Variants in STOML1 observed in about 807,000 individuals in gnomAD.
The protein encoded by STOML1 is stomatin like 1, also known as stomatin-like protein 1.
STOML1 carries 27 observed loss-of-function variants against 35.7 expected under a neutral mutation model. The ratio of observed to expected loss-of-function variants is 0.76; its 90% CI spans 0.56 to 1.04. The LOEUF (loss-of-function observed/expected upper bound fraction) is 1.04, where lower values mean the gene tolerates loss of function less well. Among genes scored for constraint, STOML1 ranks in the 50% least tolerant of loss-of-function variants. STOML1 has a pLI of 0.00. For missense variants in STOML1, 451 were observed against 527.1 expected (o/e 0.86, Z 1.41); for synonymous variants, 219 against 227.9 (o/e 0.96, Z 0.35).
In STOML1 at chr15:73,988,267, T is replaced by C. The variant is rs2069155887; in HGVS notation, c.594+332A>G. The C allele has an allele frequency of 3.7e-6, 1 of 267,772 alleles. No individual in the cohort carries two copies. Among genetic ancestry groups the C allele is most frequent in the South Asian group, 5.4e-5 (1 of 18,408 alleles). The allele number at this position is 267,772 out of a possible 1,614,324, so 16.6% of individuals were successfully genotyped here. A position where few individuals can be genotyped will look rare whatever the true frequency, so the allele number is the denominator to read the frequency against. On this transcript the variant is annotated intron_variant, in intron 4 of 6. Coordinates refer to ENST00000541638, the MANE Select transcript of STOML1 (RefSeq NM_004809.5). This position sits in a 1 kb window ranked among gnomAD's most constrained non-coding sequence, Gnocchi z 4.8. ...CTCCATCACCCATCTGCCTGCCCCA[T>C]GAGTCAGGCCCGGAATGAGAGCTGT... is the stretch of plus-strand genomic sequence containing the variant.
At position 73,985,331 on chromosome 15, in the gene STOML1, C is replaced by G; in HGVS notation, c.777G>C (p.Pro259=). The G allele has an allele frequency of 2.6e-6, 4 of 1,533,970 alleles. No individual in the cohort carries two copies. The highest frequency in any genetic ancestry group is 2.6e-6 in the Non-Finnish European group (3 of 1,146,422). ...AGGGCTCCTCACCTGGCCCCGGGGA[C>G]GGGGCACCTCCTGCCATTGAGTTCA... ...GSMNSMAGGA[P]SPGPADTVEM... The change falls in exon 5 of 7, where the codon CCG becomes CCC. Residue 259 remains proline, a synonymous_variant. Transcript: ENST00000541638.
At chr15:73,992,324 CCCGCGCGGCCACCCGCGG>C, upstream of STOML1, 1 of 1,322,134 alleles carries the variant, frequency 7.6e-7, no homozygotes. Context: ...TCCGGCTTCA[CCCGCGCGGCCACCCGCGG>C]CGGCGCGGGC....
chr15:73,989,660 A>G (rs2141676514), intron 2 of STOML1, among the ~76,000 whole-genome samples: 1 of 152,294 alleles, frequency 6.6e-6, no homozygotes, highest in South Asian at 2.1e-4. Flanking sequence ...GGGCTTTGTC[A>G]ACTTTAGGTC....
rs1057362739 is a variant in STOML1, at chr15:73,985,592, C to T, written c.595-79G>A. On this transcript the variant is annotated intron_variant, in intron 4 of 6. Transcript: ENST00000541638. ...ACCTTCTTTGGGCAGACTGTGTGGC[C>T]GTGCATGGACATGGAGGCACCACAC... 220 of 1,483,192 alleles carry T rather than the reference C, an allele frequency of 1.5e-4. No individual in the cohort carries two copies. In the South Asian group the frequency reaches 2.5e-3, roughly 17 times the overall value. 91.9% of individuals were successfully genotyped at this position (1,483,192 alleles called of 1,614,324 possible). A position where few individuals can be genotyped will look rare whatever the true frequency, so the allele number is the denominator to read the frequency against.
intron 6 of STOML1, 61 bp downstream of exon 6, chr15:73,984,598 G>A: frequency 6.3e-7 from 1 of 1,583,816 alleles, no homozygotes; most frequent in South Asian, 1.1e-5. Flanking sequence ...GCACCACTGG[G>A]GTAGGTAACA....
Position 73,983,059 on chromosome 15 carries a change from G to T in STOML1, c.*878C>A, listed in dbSNP as rs997785810. ...CCCAGCCCCACCCTTGCTTCCAGGG[G>T]CTTTGAGACACTCAGGAGAAGGAGC... On this transcript the variant is annotated 3_prime_UTR_variant, in exon 7 of 7. Transcript: ENST00000541638. 1.1e-4 allele frequency: 17 copies of T among 152,128 alleles called. No individual in the cohort carries two copies. The highest frequency in any genetic ancestry group is 3.6e-4 in the African/African-American group (15 of 41,396). The allele number at this position is 152,128 out of a possible 1,614,324, so 9.4% of individuals were successfully genotyped here. A position where few individuals can be genotyped will look rare whatever the true frequency, so the allele number is the denominator to read the frequency against.
chr15:73,981,903 T>G lies in STOML1; in HGVS notation c.*2034A>C, dbSNP rs973521331. The G allele has an allele frequency of 2.0e-5, 3 of 152,666 alleles. No individual in the cohort carries two copies. Among genetic ancestry groups the G allele is most frequent in the Non-Finnish European group, 4.4e-5 (3 of 68,460 alleles). The allele number at this position is 152,666 out of a possible 1,614,324, so 9.5% of individuals were successfully genotyped here. ...TGGGGATTCATGGCAGGGGCAGGCC[T>G]TACTCTCCACCTACACAGACATCCA... On this transcript the variant is annotated 3_prime_UTR_variant, in exon 7 of 7. Transcript: ENST00000541638.
At chr15:73,990,595 C>T in intron 1 of STOML1, 138 bp from the exon 2 acceptor site, 3 of 918,752 alleles carry the variant, frequency 3.3e-6, no homozygotes, top group Non-Finnish European at 5.0e-6. Context: ...TGGCTCCTTG[C>T]CTAATATTCC....
chr15:73,993,761 T>A (rs2069355383), upstream of STOML1, among the ~76,000 whole-genome samples: 2 of 152,358 alleles, frequency 1.3e-5, no homozygotes, highest in Middle Eastern at 3.4e-3. Context: ...TGAGGTCACC[T>A]GGAACTGTGC....
chr15:73,990,675 G>T, intron 1 of STOML1: 1 of 1,001,236 alleles, frequency 1.0e-6, no homozygotes, highest in Non-Finnish European at 1.5e-6. Flanking sequence ...TTTGTCCCAA[G>T]TCCAACAACC....
In STOML1 at chr15:73,988,346, C is replaced by T. The variant is rs1352341130; in HGVS notation, c.594+253G>A. 4.0e-6 allele frequency: 2 copies of T among 505,084 alleles called. No individual in the cohort carries two copies. Among genetic ancestry groups the T allele is most frequent in the Non-Finnish European group, 7.2e-6 (2 of 279,364 alleles). The allele number at this position is 505,084 out of a possible 1,614,324, so 31.3% of individuals were successfully genotyped here. A position where few individuals can be genotyped will look rare whatever the true frequency, so the allele number is the denominator to read the frequency against. ...TGAGGGGTAAAAACTAAGGGGCAGA[C>T]CCCAAGAATGTCTGCCGGGGCCACT... On this transcript the variant is annotated intron_variant, in intron 4 of 6. Transcript: ENST00000541638. The surrounding 1 kb of genome is among the most constrained non-coding windows in gnomAD (Gnocchi z 4.8).
chr15:73,987,524 G>A (rs898543778), intron 4 of STOML1: 2 of 152,214 alleles, frequency 1.3e-5, no homozygotes, highest in African/African-American at 4.8e-5. Flanking sequence ...AATTAACACG[G>A]GGCATGGTTT....
Position 73,985,512 on chromosome 15 carries a change from A to C in STOML1, c.596T>G (p.Leu199Arg). 1.3e-6 allele frequency: 2 copies of C among 1,540,120 alleles called. No homozygotes were observed. The highest frequency in any genetic ancestry group is 1.7e-6 in the Non-Finnish European group (2 of 1,143,372). Residue 199 changes from leucine (L) to arginine (R), a missense_variant and splice_region_variant, in exon 5 of 7, where the codon CTG (leucine) becomes CGG (arginine). Transcript: ENST00000541638. Reference protein sequence around the residue: ...EKLKISDQLLLEINDVTRAWG... With the variant: ...EKLKISDQLLREINDVTRAWG... The stretch of plus-strand genomic sequence containing the variant: ...GGCCCTGGTCACATCGTTGATCTCC[A>C]GCTGGAGGACAGTGTGAGGAGAAAT...
In STOML1 at chr15:73,989,261, T is replaced by C; in HGVS notation, c.241-4A>G. On this transcript the variant is annotated splice_polypyrimidine_tract_variant and splice_region_variant and intron_variant, in intron 2 of 6. Coordinates refer to ENST00000541638, the MANE Select transcript of STOML1 (RefSeq NM_004809.5). The stretch of plus-strand genomic sequence containing the variant: ...TCCGCTCGTAGGTGGGCACAATCTG[T>C]CCACAATGGCAAGGGAAAGAGTTGA... 2 of 1,582,294 alleles carry C rather than the reference T, an allele frequency of 1.3e-6. No homozygotes were observed. The highest frequency in any genetic ancestry group is 2.3e-5 in the East Asian group (1 of 44,336).
intron 6 of STOML1, among the ~76,000 whole-genome samples, chr15:73,984,357 G>C (rs1217845656): frequency 6.6e-6 from 1 of 152,252 alleles, no homozygotes; most frequent in East Asian, 1.9e-4. Flanking sequence ...TAAAGCATAG[G>C]CTCATGGTGA....
chr15:73,985,666 C>T, intron 4 of STOML1, 153 bp from the exon 5 acceptor site: 1 of 925,208 alleles, frequency 1.1e-6, no homozygotes, highest in East Asian at 3.2e-5. Context: ...GGGCAATGAC[C>T]TTTCAGCTGT....
At position 73,988,680 on chromosome 15, in the gene STOML1, C is replaced by A. The variant is rs1409562918; in HGVS notation, c.513G>T (p.Gln171His). Residue 171 changes from glutamine (Q) to histidine (H), a missense_variant, in exon 4 of 7, where the codon CAG becomes CAT. Physicochemically the swap from Gln to His is conservative, Grantham distance 24. Transcript: ENST00000541638. The surrounding 1 kb of genome is among the most constrained non-coding windows in gnomAD (Gnocchi z 4.8). Reference sequence around the variant, plus strand: ...TGAGCAGGGCCTTGGTCATGGCGTTCTGGGCTGTCATGCGTGTGGCTGTGT... The same window carrying A: ...TGAGCAGGGCCTTGGTCATGGCGTTATGGGCTGTCATGCGTGTGGCTGTGT... ...DLNTATRMTA[Q>H]NAMTKALLKR... The A allele has an allele frequency of 3.1e-6, 5 of 1,614,210 alleles. No individual in the cohort carries two copies. Among genetic ancestry groups the A allele is most frequent in the Non-Finnish European group, 4.2e-6 (5 of 1,180,040 alleles).
Position 73,988,404 on chromosome 15 carries a change from G to C in STOML1, c.594+195C>G. On this transcript the variant is annotated intron_variant, in intron 4 of 6. Transcript: ENST00000541638. The surrounding 1 kb of genome is among the most constrained non-coding windows in gnomAD (Gnocchi z 4.8). ...CTCAGGGACAAGTTTGCCCAGGATC[G>C]TTATGGTCTACGCCCACCTGCCATT... 1 of 655,320 alleles carries C rather than the reference G, an allele frequency of 1.5e-6. No homozygotes were observed. The highest frequency in any genetic ancestry group is 2.8e-5 in the East Asian group (1 of 35,550). 40.6% of individuals were successfully genotyped at this position (655,320 alleles called of 1,614,324 possible). A position where few individuals can be genotyped will look rare whatever the true frequency, so the allele number is the denominator to read the frequency against.
At chr15:73,985,122 G>A (rs905678364) in intron 5 of STOML1, among the ~76,000 whole-genome samples, 196 bp downstream of exon 5, 1 of 152,114 alleles carries the variant, frequency 6.6e-6, no homozygotes, top group Admixed American at 6.5e-5. Context: ...TGGTGATGTC[G>A]CCTCCTCCCA....
Sources: gnomAD v4.1 joint callset for allele counts (sites outside exome capture counted in the v4.1 genomes callset) on GRCh38, gnomAD v4.1.1 for gene constraint, Gnocchi (gnomAD v3.1) non-coding constraint, MANE v1.5 for transcripts, NCBI Gene and HGNC (gene_info 2026-07-23, HGNC 2026-07-21) for gene names.